The following SMOC1 variants were observed in gnomAD, a reference collection of about 807,000 sequenced individuals.
SMOC1 encodes SPARC-related modular calcium-binding protein 1.
A neutral mutation model predicts 56.3 loss-of-function variants in SMOC1; 22 were observed. The ratio of observed to expected loss-of-function variants is 0.39; its 90% CI spans 0.28 to 0.56. SMOC1 has a LOEUF of 0.56. Among genes scored for constraint, SMOC1 ranks in the 20% least tolerant of loss-of-function variants. SMOC1 has a pLI of 0.61. For synonymous variants in SMOC1, 193 were observed against 215.0 expected, an observed-to-expected ratio of 0.90 and a Z score of 0.89; for missense variants, 509 against 565.4, an observed-to-expected ratio of 0.90 and a Z score of 1.01.
chr14:69,989,964 G>A (rs1273266600), intron 5 of SMOC1, among the ~76,000 whole-genome samples: 3 of 152,216 alleles, frequency 2.0e-5, no homozygotes, highest in Non-Finnish European at 4.4e-5. Context: ...GTGATTCCTG[G>A]CAGCAGGGCA....
At chr14:69,992,325 C>A in intron 5 of SMOC1, 92 bp from the exon 6 acceptor site, 1 of 1,322,504 alleles carries the variant, frequency 7.6e-7, no homozygotes, top group South Asian at 1.2e-5. Flanking sequence ...GGGCCTTGTA[C>A]AAACCCCAAC....
chr14:69,945,152 T>A (rs992136654), intron 1 of SMOC1, among the ~76,000 whole-genome samples: 2 of 152,192 alleles, frequency 1.3e-5, no homozygotes, highest in South Asian at 2.1e-4. Flanking sequence ...CTGAACAAAC[T>A]TTTTTGGTAA....
intron 1 of SMOC1, among the ~76,000 whole-genome samples, chr14:69,917,680 C>A (rs1884721747): frequency 6.6e-6 from 1 of 152,184 alleles, no homozygotes; most frequent in Non-Finnish European, 1.5e-5. Context: ...AATAGTCATG[C>A]TGTTCTTTTC....
intron 1 of SMOC1, among the ~76,000 whole-genome samples, chr14:69,882,697 GATGGTCAAGCCA>G (rs1883678104): frequency 6.6e-6 from 1 of 152,162 alleles, no homozygotes; most frequent in East Asian, 1.9e-4. Flanking sequence ...GTGTCTGGCC[GATGGTCAAGCCA>G]ACTGCCTGTC....
intron 5 of SMOC1, among the ~76,000 whole-genome samples, chr14:69,985,105 C>T (rs1222580437): frequency 6.6e-6 from 1 of 151,648 alleles, no homozygotes; most frequent in African/African-American, 2.4e-5. Context: ...CCAATTTCAC[C>T]AAGGCAGACA....
intron 3 of SMOC1, among the ~76,000 whole-genome samples, chr14:69,965,399 A>AATAATAATAATAATAATAATAATAATC (rs1212605422): frequency 6.6e-5 from 10 of 150,948 alleles, no homozygotes; most frequent in African/African-American, 2.4e-4. Context: ...TAATAATAAT[A>AATAATAATAATAATAATAATAATAATC]ATAATAAAAA....
intron 10 of SMOC1, among the ~76,000 whole-genome samples, chr14:70,018,853 T>C (rs898120301): frequency 6.6e-6 from 1 of 152,220 alleles, no homozygotes; most frequent in Non-Finnish European, 1.5e-5. Flanking sequence ...GAGGCTGGAA[T>C]GTGGCTGACT....
rs571296393 is a variant in SMOC1 at position 69,898,479 on chromosome 14, T to G, written c.99+18702T>G. 2.4e-4 allele frequency among the ~76,000 whole-genome samples: 36 copies of G among 152,208 alleles called. 1 individual carries two copies. The South Asian group carries it at 7.3e-3, about 31-fold the overall frequency. On this transcript the variant is annotated intron_variant, in intron 1 of 11. Coordinates refer to ENST00000361956, the MANE Select transcript of SMOC1 (RefSeq NM_001034852.3). ...ATTCAATTCTGTTTTTTTTTTCCAG[T>G]CTTTTTTCTCTTTGCTTTTCAGTTT...
intron 1 of SMOC1, among the ~76,000 whole-genome samples, chr14:69,937,493 A>G (rs750018110): frequency 6.6e-6 from 1 of 152,046 alleles, no homozygotes; most frequent in Admixed American, 6.5e-5. Context: ...AGAATTTGAC[A>G]TGGTTTTATT....
At chr14:69,931,967 G>A (rs775020257) in intron 1 of SMOC1, among the ~76,000 whole-genome samples, 2 of 152,242 alleles carry the variant, frequency 1.3e-5, no homozygotes, top group African/African-American at 2.4e-5. Context: ...TGGAGCAGGT[G>A]TCGCGCAGGG....
At chr14:69,984,894 T>A (rs1362035208) in intron 5 of SMOC1, among the ~76,000 whole-genome samples, 10 of 150,318 alleles carry the variant, frequency 6.7e-5, no homozygotes, top group African/African-American at 2.5e-4. Context: ...AACAAAAAAT[T>A]AGCCAGGCAT....
chr14:69,924,069 A>C (rs1266226964), intron 1 of SMOC1, among the ~76,000 whole-genome samples: 3 of 152,232 alleles, frequency 2.0e-5, no homozygotes, highest in Non-Finnish European at 4.4e-5. Flanking sequence ...GATATCCAAG[A>C]AGCCTCTAGA....
At chr14:69,918,663 T>C (rs113630835) in intron 1 of SMOC1, among the ~76,000 whole-genome samples, 3,119 of 152,330 alleles carry the variant, frequency 0.02, 101 homozygotes, top group African/African-American at 0.071. Flanking sequence ...CTTTGAAATC[T>C]GTAGAAGGCA....
At position 69,910,023 on chromosome 14, in the gene SMOC1, A is replaced by C. The variant is rs375545193; in HGVS notation, c.99+30246A>C. Among the ~76,000 whole-genome samples the C allele has an allele frequency of 4.6e-5, 7 of 152,328 alleles. 2 individuals carry two copies. Among genetic ancestry groups the C allele is most frequent in the Admixed American group, 1.3e-4 (2 of 15,302 alleles). The stretch of plus-strand genomic sequence containing the variant: ...TGGAGCAGATGGTTTCCTCCTGGCG[A>C]CAGATCATCTGCCTCTGCTTTCTGT... On this transcript the variant is annotated intron_variant, in intron 1 of 11. Transcript: ENST00000361956.
At chr14:69,894,591 A>C (rs61980570) in intron 1 of SMOC1, among the ~76,000 whole-genome samples, 7,599 of 152,252 alleles carry the variant, frequency 0.05, 224 homozygotes, top group Non-Finnish European at 0.067. Context: ...CTGGAGCAAC[A>C]ACCACAGGAT....
At chr14:69,988,856 ATC>A (rs1884462306) in intron 5 of SMOC1, among the ~76,000 whole-genome samples, 1 of 152,262 alleles carries the variant, frequency 6.6e-6, no homozygotes, top group East Asian at 1.9e-4. Flanking sequence ...GAGATTCTTC[ATC>A]TACATTGTCA....
intron 1 of SMOC1, among the ~76,000 whole-genome samples, chr14:69,929,323 A>G (rs758329022): frequency 2.6e-5 from 4 of 152,222 alleles, no homozygotes; most frequent in Non-Finnish European, 4.4e-5. Flanking sequence ...GAGTATTTAC[A>G]GTGTGCCAGG....
chr14:70,006,095 C>A (rs7160726), intron 7 of SMOC1, among the ~76,000 whole-genome samples: 1 of 151,872 alleles, frequency 6.6e-6, no homozygotes. Flanking sequence ...ATTTTAAGAC[C>A]CATTTGGGAT....
chr14:69,969,778 C>A (rs899282728), intron 3 of SMOC1, among the ~76,000 whole-genome samples: 1 of 152,198 alleles, frequency 6.6e-6, no homozygotes, highest in Non-Finnish European at 1.5e-5. Context: ...GTAAAGAAAT[C>A]TTTTAACTTT....
Sources: gnomAD v4.1 joint callset for allele counts (sites outside exome capture counted in the v4.1 genomes callset) on GRCh38, gnomAD v4.1.1 for gene constraint, MANE v1.5 for transcripts, NCBI Gene and HGNC (gene_info 2026-07-23, HGNC 2026-07-21) for gene names.